CFAP70: variants seen among roughly 807,000 people sequenced by gnomAD.
CFAP70 encodes the protein cilia and flagella associated protein 70.
CFAP70 carries 81 observed loss-of-function variants against 137.6 expected under a neutral mutation model. The ratio of observed to expected loss-of-function variants is 0.59; its 90% CI spans 0.49 to 0.71. The LOEUF (loss-of-function observed/expected upper bound fraction) is 0.71. CFAP70 is among the 30% of genes least tolerant of loss of function. The pLI is 0.00. For missense variants in CFAP70, 976 were observed against 1,226.7 expected, an observed-to-expected ratio of 0.80 and a Z score of 3.05; for synonymous variants, 382 against 423.6, an observed-to-expected ratio of 0.90 and a Z score of 1.20.
intron 19 of CFAP70, among the ~76,000 whole-genome samples, chr10:73,285,879 C>G (rs2047664273): frequency 6.6e-6 from 1 of 152,048 alleles, no homozygotes; most frequent in African/African-American, 2.4e-5. Context: ...AGGTGATCCA[C>G]CCATCTCAGC....
chr10:73,346,439 C>T (rs2053713005), intron 4 of CFAP70, among the ~76,000 whole-genome samples: 2 of 151,594 alleles, frequency 1.3e-5, no homozygotes, highest in Admixed American at 6.6e-5. Context: ...AGTTTGAGAT[C>T]AGCCTGGCCA....
chr10:73,296,765 A>C (rs7068862), intron 15 of CFAP70: 21,419 of 228,934 alleles, frequency 0.094, 1,520 homozygotes, highest in East Asian at 0.27. Flanking sequence ...TTTATGCAAC[A>C]TATTTAATCT....
intron 25 of CFAP70, among the ~76,000 whole-genome samples, chr10:73,265,547 A>G (rs569592472): frequency 6.6e-6 from 1 of 152,266 alleles, no homozygotes; most frequent in South Asian, 2.1e-4. Context: ...ACATTCTCCC[A>G]TGTTTAATAA....
In CFAP70 at chr10:73,351,065, G is replaced by A. The variant is rs1414431670; in HGVS notation, c.250+2491C>T. Among the ~76,000 whole-genome samples, 7 of 55,660 alleles carry A rather than the reference G, an allele frequency of 1.3e-4. No homozygotes were observed. The South Asian group carries it at 3.3e-3, about 26-fold the overall frequency. The allele number at this position is 55,660 out of a possible 152,430, so 36.5% of individuals were successfully genotyped here. On this transcript the variant is annotated intron_variant, in intron 3 of 26. Coordinates refer to ENST00000310715, the Ensembl canonical transcript of CFAP70. ...TATATATGTGTGTGTGTGTGTGTGT[G>A]TGTGTGTATATATATATATATATAT...
At chr10:73,353,501 C>T in intron 3 of CFAP70, 55 bp downstream of exon 3, 3 of 1,478,278 alleles carry the variant, frequency 2.0e-6, no homozygotes, top group South Asian at 1.2e-5. Flanking sequence ...TCCCATCCAA[C>T]ATGATAGGGA....
chr10:73,336,128 A>G (rs577985826), intron 6 of CFAP70, among the ~76,000 whole-genome samples: 1 of 149,766 alleles, frequency 6.7e-6, no homozygotes, highest in South Asian at 2.1e-4. Context: ...TGGGTGACAG[A>G]GACCCTGTCT....
chr10:73,339,446 C>T (rs1050361919), intron 6 of CFAP70, among the ~76,000 whole-genome samples: 4 of 152,224 alleles, frequency 2.6e-5, no homozygotes, highest in African/African-American at 9.6e-5. Context: ...TGTTGCTTTT[C>T]CAGCAGAAAA....
intron 25 of CFAP70, among the ~76,000 whole-genome samples, chr10:73,262,587 T>C (rs770934643): frequency 6.6e-6 from 1 of 152,196 alleles, no homozygotes; most frequent in Non-Finnish European, 1.5e-5. Context: ...AACTTATCTT[T>C]TATCCATGAA....
At chr10:73,345,901 A>AT (rs200994314) in intron 4 of CFAP70, among the ~76,000 whole-genome samples, 34 of 151,196 alleles carry the variant, frequency 2.2e-4, no homozygotes, top group South Asian at 1.1e-3. Context: ...CATTTTTTTA[A>AT]TTTTATTTTT....
rs186844957 is a variant in CFAP70, at chr10:73,311,710, C to G, written c.1164+124G>C. 5.8e-4 allele frequency: 473 copies of G among 821,396 alleles called. 6 individuals are homozygous for G. The Admixed American group carries it at 9.9e-3, about 17-fold the overall frequency. 50.9% of individuals were successfully genotyped at this position (821,396 alleles called of 1,614,324 possible). The stretch of plus-strand genomic sequence containing the variant: ...GAAATTTGCCCAAAGTCATAGACAA[C>G]TAGTCATGGGCAAATATGGAATGAT... On this transcript the variant is annotated intron_variant, in intron 11 of 26. Coordinates refer to ENST00000310715, the Ensembl canonical transcript of CFAP70.
intron 8 of CFAP70, among the ~76,000 whole-genome samples, chr10:73,327,004 T>C (rs940736774): frequency 2.0e-5 from 3 of 151,706 alleles, no homozygotes; most frequent in African/African-American, 7.3e-5. Flanking sequence ...AGCATCATCC[T>C]GATACCAAAG....
chr10:73,275,703 G>T lies in CFAP70; in HGVS notation c.2521-105C>A. Reference sequence around the variant, plus strand: ...AATAAATAATACGAAATGTATTACAGAATGAAATAATTATCCTCAACTTCA... The same window carrying T: ...AATAAATAATACGAAATGTATTACATAATGAAATAATTATCCTCAACTTCA... On this transcript the variant is annotated intron_variant, in intron 21 of 26. Transcript: ENST00000310715. The surrounding 1 kb of genome is among the most constrained non-coding windows in gnomAD (Gnocchi z 4.0). 1 of 1,011,226 alleles carries T rather than the reference G, an allele frequency of 9.9e-7. No homozygotes were observed. The highest frequency in any genetic ancestry group is 1.4e-6 in the Non-Finnish European group (1 of 730,092). The allele number at this position is 1,011,226 out of a possible 1,614,324, so 62.6% of individuals were successfully genotyped here.
chr10:73,299,726 A>G, intron 12 of CFAP70, 61 bp from the exon 14 acceptor site: 2 of 1,353,774 alleles, frequency 1.5e-6, no homozygotes, highest in Non-Finnish European at 2.0e-6. Flanking sequence ...ACAGATGTAT[A>G]TTTTCTTTTA....
At chr10:73,281,007 ACTTCT>A (rs1188037703) in intron 19 of CFAP70, among the ~76,000 whole-genome samples, 3 of 151,870 alleles carry the variant, frequency 2.0e-5, no homozygotes, top group Admixed American at 6.6e-5. Flanking sequence ...TTGATTTTAG[ACTTCT>A]CTTATTTTCC....
chr10:73,311,780 T>C (rs1014900288), intron 11 of CFAP70, 54 bp downstream of exon 12: 11 of 1,329,238 alleles, frequency 8.3e-6, no homozygotes, highest in Non-Finnish European at 1.2e-5. Context: ...ATGCCTTGCT[T>C]AATAAAGGTC....
At chr10:73,292,648 TA>T (rs1037663299) in intron 16 of CFAP70, among the ~76,000 whole-genome samples, 1 of 152,182 alleles carries the variant, frequency 6.6e-6, no homozygotes, top group African/African-American at 2.4e-5. Flanking sequence ...CCAAAATAAT[TA>T]AAAATAGGTA....
exon 23 of CFAP70, chr10:73,274,515 C>T (rs772715903): frequency 1.5e-5 from 24 of 1,614,046 alleles, no homozygotes; most frequent in East Asian, 2.2e-5. Context: ...GCTAATGGTT[C>T]GTTCATAGCA....
intron 24 of CFAP70, among the ~76,000 whole-genome samples, chr10:73,272,346 T>G (rs2046380404): frequency 7.6e-6 from 1 of 131,246 alleles, no homozygotes; most frequent in Non-Finnish European, 1.7e-5. Context: ...CCATCTCAAA[T>G]AAATAAATAA....
chr10:73,352,714 T>C (rs1244773920), intron 3 of CFAP70, among the ~76,000 whole-genome samples: 1 of 152,226 alleles, frequency 6.6e-6, no homozygotes, highest in East Asian at 1.9e-4. Context: ...CTATTCCATC[T>C]TCTCAAAAGT....
Sources: gnomAD v4.1 joint callset for allele counts (sites outside exome capture counted in the v4.1 genomes callset) on GRCh38, gnomAD v4.1.1 for gene constraint, Gnocchi (gnomAD v3.1) non-coding constraint, MANE v1.5 for transcripts, NCBI Gene and HGNC (gene_info 2026-07-23, HGNC 2026-07-21) for gene names.